DPP10: variants seen among roughly 807,000 people sequenced by gnomAD.
The protein encoded by DPP10 is inactive dipeptidyl peptidase 10.
A neutral mutation model predicts 120.9 loss-of-function variants in DPP10; 33 were observed. The ratio of observed to expected loss-of-function variants is 0.27; its 90% CI spans 0.21 to 0.37. DPP10 has a LOEUF of 0.37. Ranked by LOEUF, DPP10 falls within the 10% of genes least tolerant of loss-of-function variation. DPP10 has a pLI of 1.00. For missense variants in DPP10, 816 were observed against 942.8 expected (o/e 0.87, Z 1.76); for synonymous variants, 337 against 326.1 (o/e 1.03, Z -0.36).
chr2:114,938,243 T>C (rs1374810024), intron 1 of DPP10, among the ~76,000 whole-genome samples: 3 of 152,156 alleles, frequency 2.0e-5, no homozygotes, highest in African/African-American at 7.2e-5. Context: ...GAATATGTAT[T>C]TTACATGTTA....
At chr2:115,423,058 A>G (rs1298527963) in intron 3 of DPP10, among the ~76,000 whole-genome samples, 1 of 152,124 alleles carries the variant, frequency 6.6e-6, no homozygotes, top group East Asian at 1.9e-4. Context: ...ACATTGAAAA[A>G]ATAAAACAGG....
intron 19 of DPP10, among the ~76,000 whole-genome samples, chr2:115,809,729 A>C (rs567588014): frequency 6.6e-6 from 1 of 152,312 alleles, no homozygotes; most frequent in African/African-American, 2.4e-5. Flanking sequence ...CCCTCTTTCC[A>C]CTGCCCCAGT....
intron 1 of DPP10, among the ~76,000 whole-genome samples, chr2:114,902,654 T>C (rs1301378462): frequency 6.6e-6 from 1 of 152,208 alleles, no homozygotes; most frequent in Non-Finnish European, 1.5e-5. Flanking sequence ...TATTTTTTAG[T>C]GCAACTTTGT....
rs533059827 is a variant in DPP10 at position 114,910,146 on chromosome 2, A to C, written c.61-399093A>C. ...TTAGGCCTTCCTGCATAAATAAATAAATAAGATAAATAAATGTATACACAC... is the reference window on the plus strand; with the variant it reads ...TTAGGCCTTCCTGCATAAATAAATACATAAGATAAATAAATGTATACACAC... On this transcript the variant is annotated intron_variant, in intron 1 of 25. Transcript: ENST00000410059. 2.6e-5 allele frequency among the ~76,000 whole-genome samples: 4 copies of C among 152,018 alleles called. 1 individual carries two copies. In the South Asian group the frequency reaches 8.3e-4, roughly 32 times the overall value.
chr2:114,573,805 G>A (rs1689839251), intron 1 of DPP10, among the ~76,000 whole-genome samples: 2 of 152,160 alleles, frequency 1.3e-5, no homozygotes, highest in South Asian at 4.1e-4. Flanking sequence ...GGGAATGAGG[G>A]TGAGAGGCAA....
intron 21 of DPP10, among the ~76,000 whole-genome samples, chr2:115,829,249 T>C (rs1313962890): frequency 6.6e-6 from 1 of 152,166 alleles, no homozygotes; most frequent in Non-Finnish European, 1.5e-5. Context: ...TTTACTTATA[T>C]AGTTTCAAAT....
intron 1 of DPP10, among the ~76,000 whole-genome samples, chr2:115,040,921 C>T (rs2105297738): frequency 6.6e-6 from 1 of 151,986 alleles, no homozygotes; most frequent in South Asian, 2.1e-4. Context: ...AAGTTTGAGA[C>T]CAGCCTGGCC....
intron 1 of DPP10, among the ~76,000 whole-genome samples, chr2:114,731,347 T>A (rs1451146763): frequency 6.6e-6 from 1 of 152,202 alleles, no homozygotes; most frequent in African/African-American, 2.4e-5. Context: ...AACAGCACTG[T>A]ACTTCTACTC....
chr2:115,472,707 A>T (rs1558715554), intron 3 of DPP10, among the ~76,000 whole-genome samples: 1 of 152,184 alleles, frequency 6.6e-6, no homozygotes, highest in African/African-American at 2.4e-5. Context: ...AGAATGTGCT[A>T]TTCATTTCTT....
intron 1 of DPP10, among the ~76,000 whole-genome samples, chr2:115,035,911 G>A (rs1483437206): frequency 6.6e-6 from 1 of 152,114 alleles, no homozygotes; most frequent in Non-Finnish European, 1.5e-5. Context: ...CCCTATGTTT[G>A]GATGATAATG....
chr2:115,360,585 G>T (rs1157075921), intron 3 of DPP10, among the ~76,000 whole-genome samples: 1 of 143,988 alleles, frequency 6.9e-6, no homozygotes. Flanking sequence ...GGAGGAGTTG[G>T]GGGGAATCAG....
intron 3 of DPP10, among the ~76,000 whole-genome samples, chr2:115,406,008 C>A (rs190722537): frequency 1.3e-5 from 2 of 152,182 alleles, no homozygotes; most frequent in African/African-American, 4.8e-5. Flanking sequence ...GTTGCTGTAC[C>A]GCACCCTTGG....
intron 1 of DPP10, among the ~76,000 whole-genome samples, chr2:114,722,536 G>T (rs1701762969): frequency 6.6e-6 from 1 of 152,024 alleles, no homozygotes; most frequent in Non-Finnish European, 1.5e-5. Context: ...CAGCACTTTG[G>T]GAGGCCGAGG....
chr2:115,305,846 C>T (rs2106002813), intron 1 of DPP10, among the ~76,000 whole-genome samples: 1 of 151,984 alleles, frequency 6.6e-6, no homozygotes, highest in Non-Finnish European at 1.5e-5. Context: ...GATCTTTATA[C>T]ATGGTTTTAA....
chr2:115,634,768 A>C (rs1190981362), intron 5 of DPP10, among the ~76,000 whole-genome samples: 1 of 152,170 alleles, frequency 6.6e-6, no homozygotes, highest in Admixed American at 6.5e-5. Context: ...GCTGGGAGGA[A>C]TCCCACTTGT....
Position 115,845,067 on chromosome 2 carries a change from A to C in DPP10, c.*2722A>C, listed in dbSNP as rs983923227. ...TCTTACAGATGTCTGTTGTAGATCT[A>C]TTACAATGAGGTGACTTAGACATTG... On this transcript the variant is annotated 3_prime_UTR_variant, in exon 26 of 26. Coordinates refer to ENST00000410059, the MANE Select transcript of DPP10 (RefSeq NM_020868.6). 2.0e-5 allele frequency: 3 copies of C among 151,992 alleles called. No homozygotes were observed. The highest frequency in any genetic ancestry group is 4.4e-5 in the Non-Finnish European group (3 of 67,994). 9.4% of individuals were successfully genotyped at this position (151,992 alleles called of 1,614,324 possible). A position where few individuals can be genotyped will look rare whatever the true frequency, so the allele number is the denominator to read the frequency against.
intron 1 of DPP10, among the ~76,000 whole-genome samples, chr2:114,624,402 G>A (rs1694331332): frequency 6.6e-6 from 1 of 151,892 alleles, no homozygotes. Context: ...CAGACTAGTG[G>A]TATAACAAGA....
chr2:115,538,044 C>T (rs1217016524), intron 5 of DPP10, among the ~76,000 whole-genome samples: 1 of 151,972 alleles, frequency 6.6e-6, no homozygotes, highest in Non-Finnish European at 1.5e-5. Context: ...ACACTGTAGC[C>T]TTGAAACCCA....
At chr2:115,795,989 G>A (rs542867489) in intron 19 of DPP10, among the ~76,000 whole-genome samples, 12 of 151,978 alleles carry the variant, frequency 7.9e-5, no homozygotes, top group Admixed American at 3.9e-4. Context: ...TGAGAATGTA[G>A]CCCTCCTATC....
Sources: allele counts gnomAD v4.1 joint callset (sites outside exome capture counted in the v4.1 genomes callset), GRCh38; gene constraint gnomAD v4.1.1; transcripts MANE v1.5; gene names NCBI Gene and HGNC (gene_info 2026-07-23, HGNC 2026-07-21).